Variants in LAP3 observed in about 807,000 individuals in gnomAD.
LAP3 encodes the protein cytosol aminopeptidase.
LAP3 carries 46 observed loss-of-function variants against 58.8 expected under a neutral mutation model. The ratio of observed to expected loss-of-function variants is 0.78; its 90% CI spans 0.62 to 1.00. The LOEUF (loss-of-function observed/expected upper bound fraction) is 1.00, where lower values mean the gene tolerates loss of function less well. Among genes scored for constraint, LAP3 ranks in the 50% least tolerant of loss-of-function variants. The pLI, the probability that LAP3 is intolerant of heterozygous loss-of-function variation, is 0.00. For synonymous variants in LAP3, 257 were observed against 237.7 expected (o/e 1.08, Z -0.75); for missense variants, 615 against 659.1 (o/e 0.93, Z 0.73).
intron 7 of LAP3, among the ~76,000 whole-genome samples, chr4:17,589,619 G>A (rs1459257261): frequency 1.3e-5 from 2 of 151,908 alleles, no homozygotes; most frequent in African/African-American, 2.4e-5. Flanking sequence ...CAGGTGTGTC[G>A]TGTCCTTTTT....
At chr4:17,604,884 G>A (rs1199170094) in intron 11 of LAP3, among the ~76,000 whole-genome samples, 3 of 152,206 alleles carry the variant, frequency 2.0e-5, no homozygotes, top group South Asian at 4.2e-4. Context: ...GCTCCCCTCC[G>A]GTAGCCTCAG....
At chr4:17,588,405 A>G (rs1212887825) in intron 6 of LAP3, among the ~76,000 whole-genome samples, 1 of 152,158 alleles carries the variant, frequency 6.6e-6, no homozygotes, top group South Asian at 2.1e-4. Context: ...TCAGCCTTCC[A>G]AAGTGCTGGG....
intron 10 of LAP3, among the ~76,000 whole-genome samples, chr4:17,603,834 C>CTT (rs78323653): frequency 5.7e-5 from 2 of 34,908 alleles, no homozygotes; most frequent in African/African-American, 1.3e-4. Context: ...TTCTTTCTTT[C>CTT]TTTTTTTTTT....
At position 17,577,364 on chromosome 4, in the gene LAP3, C is replaced by T. The variant is rs1713224439; in HGVS notation, c.-102C>T. The stretch of plus-strand genomic sequence containing the variant: ...CTCGCCCGGCGCCCGAGCCAGTCCG[C>T]GCGCACGCCGTCTGCGCCCCGAAAG... On this transcript the variant is annotated 5_prime_UTR_variant, in exon 1 of 13. Coordinates refer to ENST00000226299, the MANE Select transcript of LAP3 (RefSeq NM_015907.3). 3.5e-6 allele frequency: 3 copies of T among 860,418 alleles called. No homozygotes were observed. Among genetic ancestry groups the T allele is most frequent in the Non-Finnish European group, 3.3e-6 (2 of 598,904 alleles). 53.3% of individuals were successfully genotyped at this position (860,418 alleles called of 1,614,324 possible).
At chr4:17,604,142 T>C (rs1714055841) in intron 10 of LAP3, among the ~76,000 whole-genome samples, 2 of 152,010 alleles carry the variant, frequency 1.3e-5, no homozygotes, top group African/African-American at 4.8e-5. Flanking sequence ...TGTGGCAGCA[T>C]GTACCTGTAA....
chr4:17,593,602 T>C (rs1713752567), intron 7 of LAP3, among the ~76,000 whole-genome samples: 1 of 122,342 alleles, frequency 8.2e-6, no homozygotes. Context: ...TTTTAGAATC[T>C]GCTTGGGTTT....
chr4:17,588,705 G>T, intron 6 of LAP3, 114 bp from the exon 7 acceptor site: 1 of 941,230 alleles, frequency 1.1e-6, no homozygotes, highest in Non-Finnish European at 1.6e-6. Context: ...CTTAATGTGC[G>T]TATACTTTAA....
intron 10 of LAP3, among the ~76,000 whole-genome samples, chr4:17,601,121 G>A (rs1713972162): frequency 6.6e-6 from 1 of 152,164 alleles, no homozygotes; most frequent in East Asian, 1.9e-4. Flanking sequence ...GATTGAATGA[G>A]TGTGGTGCTA....
chr4:17,592,465 T>C (rs76065161), intron 7 of LAP3, among the ~76,000 whole-genome samples: 65 of 152,370 alleles, frequency 4.3e-4, no homozygotes, highest in African/African-American at 1.5e-3. Context: ...CCCATTCATC[T>C]ATTGGTGGAA....
intron 10 of LAP3, among the ~76,000 whole-genome samples, chr4:17,601,518 ATAAT>A (rs1300546478): frequency 1.3e-5 from 2 of 151,414 alleles, no homozygotes; most frequent in African/African-American, 2.5e-5. Flanking sequence ...GGACAAGTGA[ATAAT>A]TATATAAAAA....
intron 7 of LAP3, among the ~76,000 whole-genome samples, chr4:17,593,478 A>G (rs1713749413): frequency 6.6e-6 from 1 of 151,326 alleles, no homozygotes. Context: ...TGAAGACCAA[A>G]TATCTTGATT....
At chr4:17,595,892 C>T (rs762137486) in intron 8 of LAP3, among the ~76,000 whole-genome samples, 10 of 151,944 alleles carry the variant, frequency 6.6e-5, no homozygotes, top group Non-Finnish European at 1.5e-4. Flanking sequence ...GGATTGTGGC[C>T]GGTGAAATGG....
At chr4:17,595,592 A>G in intron 8 of LAP3, 58 bp downstream of exon 8, 1 of 1,559,818 alleles carries the variant, frequency 6.4e-7, no homozygotes, top group Non-Finnish European at 8.8e-7. Context: ...CAGGTGGGAG[A>G]AGAGAGACAA....
rs1714179866 is a variant in LAP3, at chr4:17,607,682, G to A, written c.*93G>A. 3.2e-6 allele frequency: 3 copies of A among 951,940 alleles called. No individual in the cohort carries two copies. Among genetic ancestry groups the A allele is most frequent in the Non-Finnish European group, 4.6e-6 (3 of 658,758 alleles). The allele number at this position is 951,940 out of a possible 1,614,324, so 59.0% of individuals were successfully genotyped here. ...AAATGGATGAAAATCTTTTAACGGA[G>A]ACAAAGGATGGTATTTAAAAATGTA... is the stretch of plus-strand genomic sequence containing the variant. On this transcript the variant is annotated 3_prime_UTR_variant, in exon 13 of 13. Coordinates refer to ENST00000226299, the MANE Select transcript of LAP3 (RefSeq NM_015907.3).
intron 11 of LAP3, among the ~76,000 whole-genome samples, chr4:17,605,222 G>A (rs1478479720): frequency 6.6e-6 from 1 of 151,766 alleles, no homozygotes; most frequent in Non-Finnish European, 1.5e-5. Context: ...TGAGGCAGCA[G>A]GTGACTCTGT....
chr4:17,585,877 C>T (rs1713500760), intron 6 of LAP3: 1 of 152,174 alleles, frequency 6.6e-6, no homozygotes, highest in Non-Finnish European at 1.5e-5. Context: ...TTGTTTTTAC[C>T]TTTTATTTCT....
chr4:17,589,348 A>T (rs1246990330), intron 7 of LAP3, among the ~76,000 whole-genome samples: 1 of 152,124 alleles, frequency 6.6e-6, no homozygotes, highest in Non-Finnish European at 1.5e-5. Context: ...GACATGAGCC[A>T]CTGTGCCTGG....
At chr4:17,591,851 C>T (rs779012997) in intron 7 of LAP3, among the ~76,000 whole-genome samples, 1 of 152,138 alleles carries the variant, frequency 6.6e-6, no homozygotes, top group Non-Finnish European at 1.5e-5. Flanking sequence ...GCACTCTGCT[C>T]TGAGAACAGT....
chr4:17,601,657 C>T (rs1053399572), intron 10 of LAP3, among the ~76,000 whole-genome samples: 9 of 152,114 alleles, frequency 5.9e-5, no homozygotes, highest in African/African-American at 2.2e-4. Context: ...TGTAAAATGG[C>T]ATAGTATTTA....
Sources: allele counts gnomAD v4.1 joint callset (sites outside exome capture counted in the v4.1 genomes callset), GRCh38; gene constraint gnomAD v4.1.1; transcripts MANE v1.5; gene names NCBI Gene and HGNC (gene_info 2026-07-23, HGNC 2026-07-21).